Variants in CNTNAP2 observed in about 807,000 individuals in gnomAD.
CNTNAP2 encodes contactin associated protein 2, also known as contactin-associated protein-like 2.
Under a neutral mutation model 155.2 loss-of-function variants are expected in CNTNAP2, and 98 were observed. That is an observed-to-expected ratio of 0.63 (90% CI 0.54 to 0.75). The LOEUF is 0.75. CNTNAP2 is among the 30% of genes least tolerant of loss of function. The pLI is 0.00. For missense variants in CNTNAP2, 1,727 were observed against 1,688.1 expected, an observed-to-expected ratio of 1.02 and a Z score of -0.40; for synonymous variants, 651 against 631.2, an observed-to-expected ratio of 1.03 and a Z score of -0.47.
At chr7:146,721,045 T>C (rs1801288725) in intron 1 of CNTNAP2, among the ~76,000 whole-genome samples, 1 of 136,634 alleles carries the variant, frequency 7.3e-6, no homozygotes, top group Non-Finnish European at 1.5e-5. Flanking sequence ...ATATATTCTA[T>C]ATATATACTC....
chr7:147,702,834 T>C (rs150222453), intron 13 of CNTNAP2, among the ~76,000 whole-genome samples: 17 of 152,300 alleles, frequency 1.1e-4, no homozygotes, highest in Admixed American at 6.5e-4. Flanking sequence ...CTTGAAATCC[T>C]TAATGTTTTT....
In CNTNAP2 at chr7:148,415,516, A is replaced by C. The variant is rs1204188084; in HGVS notation, c.3896A>C (p.Lys1299Thr). 6.2e-7 allele frequency: 1 copy of C among 1,614,102 alleles called. No individual in the cohort carries two copies. The highest frequency in any genetic ancestry group is 2.2e-5 in the East Asian group (1 of 44,892). The change falls in exon 24 of 24, where the codon AAG (lysine) becomes ACG (threonine). Residue 1299 changes from lysine to threonine, a missense_variant. By Grantham distance (78) the Lys-to-Thr change is moderately conservative. Coordinates refer to ENST00000361727, the MANE Select transcript of CNTNAP2 (RefSeq NM_014141.6). ...GGCACCTACCATACCAACGAAGCAA[A>C]GGGGGCGGAGTCGGCAGAGAGCGCG... ...HKGTYHTNEA[K>T]GAESAESADA...
chr7:147,058,668 G>A (rs529622937), intron 4 of CNTNAP2, among the ~76,000 whole-genome samples: 26 of 152,140 alleles, frequency 1.7e-4, no homozygotes, highest in South Asian at 2.1e-4. Flanking sequence ...GTGCAGTGGC[G>A]TGATCTCGGC....
intron 13 of CNTNAP2, among the ~76,000 whole-genome samples, chr7:147,740,397 A>C (rs1226320057): frequency 6.6e-6 from 1 of 152,190 alleles, no homozygotes; most frequent in Non-Finnish European, 1.5e-5. Flanking sequence ...TTGTGTAGCA[A>C]TGCCTCACCC....
At chr7:147,271,748 C>G (rs1001176497) in intron 8 of CNTNAP2, among the ~76,000 whole-genome samples, 10 of 152,110 alleles carry the variant, frequency 6.6e-5, no homozygotes, top group African/African-American at 2.4e-4. Context: ...AGGGGAACCA[C>G]CCCCATGATT....
intron 8 of CNTNAP2, among the ~76,000 whole-genome samples, chr7:147,133,743 T>A (rs1340517026): frequency 1.3e-5 from 2 of 152,032 alleles, no homozygotes; most frequent in African/African-American, 4.8e-5. Flanking sequence ...GAATGTATGG[T>A]CTATTACTGA....
In CNTNAP2 at chr7:148,342,970, G is replaced by A. The variant is rs545833892; in HGVS notation, c.3476-40679G>A. 9.8e-5 allele frequency among the ~76,000 whole-genome samples: 15 copies of A among 152,336 alleles called. No homozygotes were observed. The South Asian group carries it at 3.1e-3, about 32-fold the overall frequency. On this transcript the variant is annotated intron_variant, in intron 21 of 23. Transcript: ENST00000361727. ...AAACTTTATCTGGAAAAGGTGAGAA[G>A]CAGAGAGCCTCCAGGCTCCAGCCCC...
rs560512034 is a variant in CNTNAP2 at position 147,849,986 on chromosome 7, G to C, written c.2099-53579G>C. 3 of 152,164 alleles carry C rather than the reference G, an allele frequency of 2.0e-5. No individual in the cohort carries two copies. In the South Asian group the frequency reaches 6.2e-4, roughly 32 times the overall value. 9.4% of individuals were successfully genotyped at this position (152,164 alleles called of 1,614,324 possible). On this transcript the variant is annotated intron_variant, in intron 13 of 23. Coordinates refer to ENST00000361727, the MANE Select transcript of CNTNAP2 (RefSeq NM_014141.6). Reference sequence around the variant, plus strand: ...GAAGAGATAACTAGCTGAGACTTCAGTATCTAGCTTATAGGCTGCTTCAGC... The same window carrying C: ...GAAGAGATAACTAGCTGAGACTTCACTATCTAGCTTATAGGCTGCTTCAGC...
At position 146,832,570 on chromosome 7, in the gene CNTNAP2, CTA is replaced by C. The variant is rs1803533897; in HGVS notation, c.209-7140_209-7139del. ...ATTATACTATGTTTAGATATTTAAT[CTA>C]ATATATTAATATTAACTTCAATATA... On this transcript the variant is annotated intron_variant, in intron 2 of 23. Coordinates refer to ENST00000361727, the MANE Select transcript of CNTNAP2 (RefSeq NM_014141.6). Among the ~76,000 whole-genome samples the C allele has an allele frequency of 2.0e-5, 3 of 146,410 alleles. No individual in the cohort carries two copies. The South Asian group carries it at 6.4e-4, about 31-fold the overall frequency.
intron 9 of CNTNAP2, among the ~76,000 whole-genome samples, chr7:147,311,328 C>A (rs1043921364): frequency 2.6e-5 from 4 of 152,092 alleles, no homozygotes; most frequent in African/African-American, 9.7e-5. Context: ...TAAAGAGGAG[C>A]TCTGACATTC....
At chr7:146,777,924 A>G (rs1022157853) in intron 2 of CNTNAP2, among the ~76,000 whole-genome samples, 2 of 151,900 alleles carry the variant, frequency 1.3e-5, no homozygotes, top group Admixed American at 6.6e-5. Flanking sequence ...TAAGTATAGC[A>G]TGATGTTATA....
At chr7:147,137,687 A>G (rs1457657965) in intron 8 of CNTNAP2, among the ~76,000 whole-genome samples, 1 of 151,944 alleles carries the variant, frequency 6.6e-6, no homozygotes, top group Non-Finnish European at 1.5e-5. Context: ...TTTACATACA[A>G]ATGGAGCATT....
intron 1 of CNTNAP2, among the ~76,000 whole-genome samples, chr7:146,314,302 A>T (rs1175622230): frequency 1.3e-5 from 2 of 152,154 alleles, no homozygotes; most frequent in African/African-American, 4.8e-5. Flanking sequence ...CTTTGTTCTT[A>T]GTGGCCCCAA....
chr7:148,348,486 A>C (rs1798364482), intron 21 of CNTNAP2, among the ~76,000 whole-genome samples: 1 of 152,186 alleles, frequency 6.6e-6, no homozygotes, highest in African/African-American at 2.4e-5. Flanking sequence ...ACTTAACATA[A>C]ATATGGAAAA....
intron 10 of CNTNAP2, among the ~76,000 whole-genome samples, chr7:147,456,840 A>G (rs1362148526): frequency 6.6e-6 from 1 of 152,210 alleles, no homozygotes; most frequent in Non-Finnish European, 1.5e-5. Flanking sequence ...CTGGAATCAA[A>G]CATTTGTAGA....
intron 1 of CNTNAP2, among the ~76,000 whole-genome samples, chr7:146,341,084 T>C (rs955166844): frequency 6.6e-6 from 1 of 152,198 alleles, no homozygotes; most frequent in Admixed American, 6.5e-5. Context: ...TTAATAGTTA[T>C]TAAAGTGAAC....
At chr7:147,523,617 C>T (rs988401629) in intron 11 of CNTNAP2, among the ~76,000 whole-genome samples, 21 of 152,156 alleles carry the variant, frequency 1.4e-4, no homozygotes, top group African/African-American at 5.1e-4. Context: ...CACAGCTGAG[C>T]CTCCTCCTCT....
At chr7:147,661,019 A>C (rs951245944) in intron 13 of CNTNAP2, among the ~76,000 whole-genome samples, 64 of 151,958 alleles carry the variant, frequency 4.2e-4, no homozygotes, top group Non-Finnish European at 1.0e-4. Flanking sequence ...TTATACCCAG[A>C]CTTCTGTTTG....
rs1003809048 is a variant in CNTNAP2 at position 147,463,959 on chromosome 7, A to G, written c.1671-21976A>G. Among the ~76,000 whole-genome samples the G allele has an allele frequency of 5.8e-4, 6 of 10,414 alleles. No homozygotes were observed. The South Asian group carries it at 0.01, about 17-fold the overall frequency. 6.8% of individuals were successfully genotyped at this position (10,414 alleles called of 152,430 possible). On this transcript the variant is annotated intron_variant, in intron 10 of 23. Transcript: ENST00000361727. ...AGTATACCTATTTGGCCCCACTACT[A>G]AAAAAAAAAAAAAAAAAAAAAGAGC...
Sources: gnomAD v4.1 joint callset for allele counts (sites outside exome capture counted in the v4.1 genomes callset) on GRCh38, gnomAD v4.1.1 for gene constraint, MANE v1.5 for transcripts, NCBI Gene and HGNC (gene_info 2026-07-23, HGNC 2026-07-21) for gene names.